Variants in RSU1 observed in about 807,000 individuals in gnomAD.
RSU1 encodes the protein rsu-1.
Under a neutral mutation model 31.1 loss-of-function variants are expected in RSU1, and 26 were observed. The ratio of observed to expected loss-of-function variants is 0.84; its 90% CI spans 0.61 to 1.16. RSU1 has a LOEUF of 1.16. Among genes scored for constraint, RSU1 ranks in the 50% most tolerant of loss-of-function variants. The pLI, the probability that RSU1 is intolerant of heterozygous loss-of-function variation, is 0.00. For synonymous variants in RSU1, 164 were observed against 136.3 expected, an observed-to-expected ratio of 1.20 and a Z score of -1.41; for missense variants, 320 against 339.1, an observed-to-expected ratio of 0.94 and a Z score of 0.44.
Position 16,628,375 on chromosome 10 carries a change from T to C in RSU1, c.732-34879A>G, listed in dbSNP as rs527604111. Among the ~76,000 whole-genome samples, 3 of 152,350 alleles carry C rather than the reference T, an allele frequency of 2.0e-5. No individual in the cohort carries two copies. The South Asian group carries it at 6.2e-4, about 32-fold the overall frequency. On this transcript the variant is annotated intron_variant, in intron 8 of 8. Coordinates refer to ENST00000345264, the MANE Select transcript of RSU1 (RefSeq NM_012425.4). ...ACCACGTGCTAACATACTTATATGC[T>C]CACACTTCTCAGTAGATTCGATTTA...
intron 2 of RSU1, among the ~76,000 whole-genome samples, chr10:16,803,216 A>T (rs1838193490): frequency 6.6e-6 from 1 of 152,180 alleles, no homozygotes; most frequent in South Asian, 2.1e-4. Context: ...TTGCTTTTCT[A>T]TATAAAAAAA....
intron 5 of RSU1, 91 bp from the exon 6 acceptor site, chr10:16,753,091 A>G: frequency 1.0e-6 from 1 of 960,542 alleles, no homozygotes; most frequent in Non-Finnish European, 1.6e-6. Flanking sequence ...TTTGATTAAT[A>G]ACCCTGGCTT....
chr10:16,678,123 C>T (rs1468770979), intron 8 of RSU1, among the ~76,000 whole-genome samples: 1 of 152,146 alleles, frequency 6.6e-6, no homozygotes, highest in Non-Finnish European at 1.5e-5. Flanking sequence ...AATAGAAAAG[C>T]TTTTCTCTCA....
intron 8 of RSU1, among the ~76,000 whole-genome samples, chr10:16,595,797 T>A (rs757585937): frequency 6.8e-5 from 10 of 147,698 alleles, no homozygotes; most frequent in Admixed American, 2.0e-4. Context: ...TGAAACCCCA[T>A]CTCTACTAAA....
intron 3 of RSU1, among the ~76,000 whole-genome samples, chr10:16,770,042 CAA>C (rs374494266): frequency 6.6e-6 from 1 of 152,288 alleles, no homozygotes; most frequent in African/African-American, 2.4e-5. Context: ...GGTAGTCATA[CAA>C]AGAGATGTCA....
chr10:16,774,247 C>G (rs1588526181), intron 3 of RSU1, among the ~76,000 whole-genome samples: 1 of 152,094 alleles, frequency 6.6e-6, no homozygotes, highest in Non-Finnish European at 1.5e-5. Context: ...AAAAAGTCAT[C>G]AAGAATGAGT....
chr10:16,761,730 C>T (rs1188221171), intron 4 of RSU1, among the ~76,000 whole-genome samples: 1 of 152,106 alleles, frequency 6.6e-6, no homozygotes, highest in South Asian at 2.1e-4. Flanking sequence ...GTGGCAGGCG[C>T]CTGTAGTCCC....
chr10:16,593,523 C>A, intron 8 of RSU1, 27 bp from the exon 9 acceptor site: 1 of 1,569,980 alleles, frequency 6.4e-7, no homozygotes, highest in South Asian at 1.1e-5. Context: ...AGGACACTAT[C>A]AGATCTATTT....
chr10:16,785,489 C>CATATATATATACACATATATACATAT (rs1837768528), intron 2 of RSU1, among the ~76,000 whole-genome samples: 5 of 118,506 alleles, frequency 4.2e-5, no homozygotes, highest in Non-Finnish European at 7.9e-5. Context: ...TACATATATA[C>CATATATATATACACATATATACATAT]ATATATATAT....
intron 8 of RSU1, among the ~76,000 whole-genome samples, chr10:16,607,202 G>A (rs1349501658): frequency 2.0e-5 from 3 of 152,192 alleles, no homozygotes; most frequent in Non-Finnish European, 2.9e-5. Flanking sequence ...TCTGCCATGT[G>A]TGCCTGCCTC....
At chr10:16,755,033 C>A (rs566134162) in intron 4 of RSU1, 44 bp from the exon 5 acceptor site, 7 of 1,220,086 alleles carry the variant, frequency 5.7e-6, no homozygotes, top group African/African-American at 3.0e-5. Context: ...ACCAAAGACA[C>A]ATTCATACAG....
intron 8 of RSU1, among the ~76,000 whole-genome samples, chr10:16,608,881 C>T (rs1833848350): frequency 1.3e-5 from 2 of 152,134 alleles, no homozygotes; most frequent in South Asian, 4.1e-4. Context: ...TGATCTGTTG[C>T]CCTGGCTGCG....
chr10:16,756,104 G>C (rs549680167), intron 4 of RSU1, among the ~76,000 whole-genome samples: 1 of 152,124 alleles, frequency 6.6e-6, no homozygotes, highest in East Asian at 1.9e-4. Flanking sequence ...CTTTTTTGGA[G>C]GGAAAATCAT....
intron 7 of RSU1, chr10:16,721,726 T>G (rs1289795560): frequency 1.3e-5 from 2 of 152,208 alleles, no homozygotes; most frequent in Non-Finnish European, 2.9e-5. Flanking sequence ...ATAACTGCAA[T>G]GGAAAATCGA....
chr10:16,805,251 C>T (rs1373678194), intron 2 of RSU1, among the ~76,000 whole-genome samples: 1 of 152,082 alleles, frequency 6.6e-6, no homozygotes, highest in Admixed American at 6.5e-5. Flanking sequence ...GTCCAGCAAT[C>T]ATAGCAAACG....
chr10:16,695,895 G>C (rs1835664177), intron 7 of RSU1, among the ~76,000 whole-genome samples: 1 of 152,098 alleles, frequency 6.6e-6, no homozygotes, highest in East Asian at 1.9e-4. Context: ...GAGGCCATCA[G>C]GTTACATATC....
At chr10:16,705,652 C>G (rs1364675066) in intron 7 of RSU1, among the ~76,000 whole-genome samples, 1 of 152,042 alleles carries the variant, frequency 6.6e-6, no homozygotes, top group African/African-American at 2.4e-5. Flanking sequence ...CCACACTCAG[C>G]TAATTTTTGT....
intron 7 of RSU1, among the ~76,000 whole-genome samples, chr10:16,752,004 A>G (rs1367045193): frequency 6.6e-6 from 1 of 152,202 alleles, no homozygotes; most frequent in Non-Finnish European, 1.5e-5. Context: ...ATTCCCAGCA[A>G]GAACATATTT....
intron 4 of RSU1, among the ~76,000 whole-genome samples, chr10:16,764,069 C>T (rs929812720): frequency 1.3e-5 from 2 of 152,114 alleles, no homozygotes; most frequent in African/African-American, 4.8e-5. Context: ...TACCACTTGT[C>T]CGCCAGTTCA....
Sources: gnomAD v4.1 joint callset for allele counts (sites outside exome capture counted in the v4.1 genomes callset) on GRCh38, gnomAD v4.1.1 for gene constraint, MANE v1.5 for transcripts, NCBI Gene and HGNC (gene_info 2026-07-23, HGNC 2026-07-21) for gene names.